ZMAT4: variants seen among roughly 807,000 people sequenced by gnomAD.
ZMAT4 encodes zinc finger matrin-type 4, also known as zinc finger matrin-type protein 4.
ZMAT4 carries 17 observed loss-of-function variants against 28.7 expected under a neutral mutation model. The ratio of observed to expected loss-of-function variants is 0.59; its 90% confidence interval spans 0.41 to 0.89. The LOEUF is 0.89. Ranked by LOEUF, ZMAT4 falls within the 40% of genes least tolerant of loss-of-function variation. ZMAT4 has a pLI of 0.00. For synonymous variants in ZMAT4, 117 were observed against 109.2 expected, an observed-to-expected ratio of 1.07 and a Z score of -0.44; for missense variants, 240 against 283.8, an observed-to-expected ratio of 0.85 and a Z score of 1.11.
At chr8:40,533,069 T>A (rs577563354) in intron 6 of ZMAT4, among the ~76,000 whole-genome samples, 10 of 152,216 alleles carry the variant, frequency 6.6e-5, no homozygotes, top group African/African-American at 2.4e-4. Flanking sequence ...GGATTTTTAG[T>A]TTTGTTTTTT....
intron 6 of ZMAT4, among the ~76,000 whole-genome samples, chr8:40,552,419 C>A (rs985491727): frequency 5.3e-5 from 8 of 152,138 alleles, no homozygotes; most frequent in African/African-American, 1.9e-4. Flanking sequence ...TCCCTTATTC[C>A]TACTATCCAA....
At chr8:40,857,085 A>G (rs1817325449) in intron 1 of ZMAT4, among the ~76,000 whole-genome samples, 1 of 152,206 alleles carries the variant, frequency 6.6e-6, no homozygotes, top group Admixed American at 6.5e-5. Flanking sequence ...CCTGGGCAAT[A>G]CCAGGAGCCT....
At chr8:40,604,379 C>T (rs1189569335) in intron 5 of ZMAT4, among the ~76,000 whole-genome samples, 1 of 152,066 alleles carries the variant, frequency 6.6e-6, no homozygotes, top group African/African-American at 2.4e-5. Context: ...CTTTTATTAC[C>T]TTAAGGTATG....
At chr8:40,758,394 C>A (rs1439328981) in intron 3 of ZMAT4, among the ~76,000 whole-genome samples, 4 of 152,226 alleles carry the variant, frequency 2.6e-5, no homozygotes, top group East Asian at 3.9e-4. Context: ...TTTCATTAGT[C>A]ACCATGACTC....
intron 6 of ZMAT4, among the ~76,000 whole-genome samples, chr8:40,542,958 C>T (rs956710113): frequency 9.2e-5 from 14 of 152,220 alleles, no homozygotes; most frequent in African/African-American, 3.1e-4. Flanking sequence ...GCCTGGCCAA[C>T]GTCATTGCAG....
chr8:40,647,037 TA>T (rs921948948), intron 5 of ZMAT4, among the ~76,000 whole-genome samples: 3 of 151,892 alleles, frequency 2.0e-5, no homozygotes, highest in Non-Finnish European at 4.4e-5. Flanking sequence ...TAGAAATCAG[TA>T]AAAAAAAGAA....
chr8:40,850,027 G>A (rs756786872), intron 1 of ZMAT4, among the ~76,000 whole-genome samples: 12 of 152,102 alleles, frequency 7.9e-5, no homozygotes, highest in Middle Eastern at 3.4e-3. Flanking sequence ...AGGACATGTC[G>A]CTTCGACCTC....
intron 3 of ZMAT4, among the ~76,000 whole-genome samples, chr8:40,747,525 T>C (rs1222576773): frequency 1.7e-5 from 2 of 118,692 alleles, no homozygotes; most frequent in African/African-American, 6.4e-5. Context: ...TCTTTCTCTT[T>C]CCCCTTTTTT....
chr8:40,552,412 C>T (rs1803393895), intron 6 of ZMAT4, among the ~76,000 whole-genome samples: 1 of 152,168 alleles, frequency 6.6e-6, no homozygotes, highest in African/African-American at 2.4e-5. Flanking sequence ...GTCCCCTTCC[C>T]TTATTCCTAC....
chr8:40,880,754 C>A (rs182872609), intron 1 of ZMAT4, among the ~76,000 whole-genome samples: 33 of 152,320 alleles, frequency 2.2e-4, no homozygotes, highest in Non-Finnish European at 4.3e-4. Flanking sequence ...TGATACTATG[C>A]TAATTACTCA....
intron 1 of ZMAT4, among the ~76,000 whole-genome samples, chr8:40,888,077 A>G (rs766287963): frequency 2.8e-4 from 43 of 152,020 alleles, no homozygotes; most frequent in Non-Finnish European, 5.4e-4. Context: ...CACTTTTCTC[A>G]GCACCTACAC....
chr8:40,686,724 A>G (rs1324571476), intron 4 of ZMAT4, among the ~76,000 whole-genome samples: 1 of 152,226 alleles, frequency 6.6e-6, no homozygotes, highest in African/African-American at 2.4e-5. Flanking sequence ...AAATAAAACC[A>G]AAACCAGTTT....
rs562076201 is a variant in ZMAT4, at chr8:40,712,545, A to T, written c.193-15144T>A. On this transcript the variant is annotated intron_variant, in intron 3 of 6. Coordinates refer to ENST00000297737, the MANE Select transcript of ZMAT4 (RefSeq NM_024645.3). ...GCCATCTTTCTACATCCATTCTGTG[A>T]CATCCATGCCTACTTAGCAGTCAGG... 9.8e-5 allele frequency among the ~76,000 whole-genome samples: 15 copies of T among 152,348 alleles called. No homozygotes were observed. The South Asian group carries it at 2.9e-3, about 29-fold the overall frequency.
chr8:40,845,018 A>G (rs752681145), intron 1 of ZMAT4, among the ~76,000 whole-genome samples: 15 of 152,332 alleles, frequency 9.8e-5, no homozygotes, highest in Middle Eastern at 6.8e-3. Context: ...CTCATGCACC[A>G]GAAAGACAAA....
chr8:40,743,392 C>T (rs1317675395), intron 3 of ZMAT4, among the ~76,000 whole-genome samples: 3 of 152,270 alleles, frequency 2.0e-5, no homozygotes, highest in Admixed American at 6.5e-5. Flanking sequence ...CCCCAGACAG[C>T]GGATTGGAGG....
intron 1 of ZMAT4, among the ~76,000 whole-genome samples, chr8:40,829,269 T>C (rs1242949251): frequency 2.6e-5 from 4 of 152,202 alleles, no homozygotes; most frequent in Admixed American, 1.3e-4. Flanking sequence ...AAAGGCACAT[T>C]GCAAAGGCAG....
chr8:40,818,395 G>T (rs747580980), intron 2 of ZMAT4, among the ~76,000 whole-genome samples: 2 of 152,176 alleles, frequency 1.3e-5, no homozygotes, highest in African/African-American at 2.4e-5. Context: ...CATCCAAAAA[G>T]ATCTTCCATA....
intron 3 of ZMAT4, among the ~76,000 whole-genome samples, chr8:40,757,596 A>AG (rs570798761): frequency 3.3e-5 from 5 of 152,116 alleles, no homozygotes; most frequent in Non-Finnish European, 5.9e-5. Context: ...AAAAAAAAAA[A>AG]AAGAAAAAAG....
At chr8:40,709,995 G>T (rs1300372523) in intron 3 of ZMAT4, among the ~76,000 whole-genome samples, 1 of 149,342 alleles carries the variant, frequency 6.7e-6, no homozygotes, top group Non-Finnish European at 1.5e-5. Context: ...CCGAGATCGT[G>T]CCATTGCACT....
Sources: gnomAD v4.1 joint callset for allele counts (sites outside exome capture counted in the v4.1 genomes callset) on GRCh38, gnomAD v4.1.1 for gene constraint, MANE v1.5 for transcripts, NCBI Gene and HGNC (gene_info 2026-07-23, HGNC 2026-07-21) for gene names.